The following MED13L variants were observed in gnomAD, a reference collection of about 807,000 sequenced individuals.
MED13L encodes the protein mediator of RNA polymerase II transcription subunit 13-like.
Under a neutral mutation model 220.9 loss-of-function variants are expected in MED13L, and 7 were observed. That is an observed-to-expected ratio of 0.03 (90% CI 0.02 to 0.06). The LOEUF is 0.06. MED13L is among the 10% of genes least tolerant of loss of function. The pLI is 1.00. For synonymous variants in MED13L, 1,011 were observed against 1,015.2 expected (o/e 1.00, Z 0.08); for missense variants, 1,965 against 2,760.5 (o/e 0.71, Z 6.46).
intron 2 of MED13L, among the ~76,000 whole-genome samples, chr12:116,144,324 CTT>C (rs1187518653): frequency 9.5e-4 from 144 of 152,310 alleles, no homozygotes; most frequent in Non-Finnish European, 1.7e-3. Context: ...TCCCCCATCT[CTT>C]GTCCTTCACT....
At chr12:116,198,520 C>A (rs1881794346) in intron 2 of MED13L, among the ~76,000 whole-genome samples, 1 of 152,170 alleles carries the variant, frequency 6.6e-6, no homozygotes, top group African/African-American at 2.4e-5. Context: ...TGACCCCCTA[C>A]AGAAGTTTAG....
At chr12:116,172,927 CAAAA>C (rs560335454) in intron 2 of MED13L, among the ~76,000 whole-genome samples, 1 of 60,020 alleles carries the variant, frequency 1.7e-5, no homozygotes. Flanking sequence ...CCATTTAAGA[CAAAA>C]AAAAAAAAAA....
At chr12:116,008,311 A>C in intron 10 of MED13L, 90 bp downstream of exon 10, 1 of 1,502,538 alleles carries the variant, frequency 6.7e-7, no homozygotes, top group South Asian at 1.4e-5. Flanking sequence ...GCCTACTTCA[A>C]TTTTGAATCT....
intron 4 of MED13L, among the ~76,000 whole-genome samples, chr12:116,041,526 G>A (rs1881526235): frequency 6.6e-6 from 1 of 152,186 alleles, no homozygotes; most frequent in South Asian, 2.1e-4. Context: ...GAATACCATA[G>A]TTGAAAAGAA....
intron 9 of MED13L, among the ~76,000 whole-genome samples, chr12:116,011,191 T>C (rs1879375898): frequency 1.3e-5 from 2 of 152,058 alleles, no homozygotes; most frequent in African/African-American, 4.8e-5. Flanking sequence ...AGCCTAAGGA[T>C]TTTTCTTAAA....
intron 3 of MED13L, among the ~76,000 whole-genome samples, chr12:116,102,310 C>A (rs1183264822): frequency 1.3e-5 from 2 of 152,322 alleles, no homozygotes; most frequent in African/African-American, 2.4e-5. Context: ...CACAGCCTAG[C>A]TCGGGAAGCC....
rs1161434362 is a variant in MED13L, at chr12:115,997,035, C to T, written c.2765G>A (p.Gly922Glu). Residue 922 changes from glycine (G) to glutamate (E), a missense_variant, in exon 15 of 31, where the codon GGA becomes GAA. By Grantham distance (98) the Gly-to-Glu change is moderately conservative. Transcript: ENST00000281928. ...CTTAATTTCCTCGGGCTTGGGACTT[C>T]CTAATCCATCTTCCACTTCCATTTT... is the stretch of plus-strand genomic sequence containing the variant. ...EFKMEVEDGL[G>E]SPKPEEIKDF... The T allele has an allele frequency of 1.2e-6, 2 of 1,613,938 alleles. No individual in the cohort carries two copies. Among genetic ancestry groups the T allele is most frequent in the Non-Finnish European group, 8.5e-7 (1 of 1,179,958 alleles).
At chr12:116,113,347 A>G (rs1355549350) in intron 2 of MED13L, among the ~76,000 whole-genome samples, 1 of 151,948 alleles carries the variant, frequency 6.6e-6, no homozygotes, top group Non-Finnish European at 1.5e-5. Flanking sequence ...ATATACTTGA[A>G]AATAGGGGGC....
chr12:116,135,705 A>T (rs1190766142), intron 2 of MED13L, among the ~76,000 whole-genome samples: 2 of 152,144 alleles, frequency 1.3e-5, no homozygotes, highest in Middle Eastern at 3.2e-3. Context: ...GGCTCGTGAG[A>T]TGAAGGAATA....
chr12:116,107,243 C>T (rs1043056937), intron 3 of MED13L, among the ~76,000 whole-genome samples: 12 of 152,186 alleles, frequency 7.9e-5, no homozygotes, highest in African/African-American at 2.9e-4. Flanking sequence ...TGTCTGATAT[C>T]GTTATGGACA....
At chr12:116,187,504 C>T (rs1248822462) in intron 2 of MED13L, among the ~76,000 whole-genome samples, 1 of 152,184 alleles carries the variant, frequency 6.6e-6, no homozygotes, top group East Asian at 1.9e-4. Flanking sequence ...CAATGCTGGA[C>T]ACATATTGTT....
chr12:116,251,705 G>A (rs970152144), intron 1 of MED13L, among the ~76,000 whole-genome samples: 5 of 150,858 alleles, frequency 3.3e-5, no homozygotes, highest in Admixed American at 6.6e-5. Context: ...AGCTTGCAGC[G>A]AGCCAAGATC....
At chr12:116,111,248 C>G (rs1055160524) in intron 3 of MED13L, among the ~76,000 whole-genome samples, 180 bp downstream of exon 3, 18 of 151,990 alleles carry the variant, frequency 1.2e-4, no homozygotes, top group Admixed American at 1.2e-3. Flanking sequence ...TTGTACCATT[C>G]CCAAAACTTC....
chr12:116,114,885 TAAATCTTACAAAATATGCTAA>T (rs1874382446), intron 2 of MED13L, among the ~76,000 whole-genome samples: 1 of 152,174 alleles, frequency 6.6e-6, no homozygotes, highest in Non-Finnish European at 1.5e-5. Context: ...TCCTTGGGTA[TAAATCTTACAAAATATGCTAA>T]AACTACAATA....
intron 4 of MED13L, among the ~76,000 whole-genome samples, chr12:116,091,047 C>G (rs1164544836): frequency 6.7e-6 from 1 of 148,382 alleles, no homozygotes; most frequent in African/African-American, 2.5e-5. Flanking sequence ...ATTGCTTGAA[C>G]CTGGAGGACA....
intron 2 of MED13L, among the ~76,000 whole-genome samples, chr12:116,120,174 G>T (rs1031588013): frequency 6.6e-6 from 1 of 151,392 alleles, no homozygotes; most frequent in Non-Finnish European, 1.5e-5. Flanking sequence ...GGTACAGATG[G>T]GATTCATATC....
At chr12:116,072,208 T>G (rs1870429384) in intron 4 of MED13L, among the ~76,000 whole-genome samples, 1 of 152,228 alleles carries the variant, frequency 6.6e-6, no homozygotes, top group Non-Finnish European at 1.5e-5. Flanking sequence ...ACACAATTGC[T>G]TTTTGAGTCC....
chr12:116,122,883 A>G (rs1875219614), intron 2 of MED13L, among the ~76,000 whole-genome samples: 1 of 152,160 alleles, frequency 6.6e-6, no homozygotes, highest in Non-Finnish European at 1.5e-5. Flanking sequence ...AAACCATAAA[A>G]CTAAATTTCG....
Position 116,006,113 on chromosome 12 carries a change from T to C in MED13L, c.2345-120A>G, listed in dbSNP as rs560225989. ...TGTGAGTTTTTCCCTATGGTTTTAG[T>C]TAAATTTAGAGACAATTATTTCCAA... is the stretch of plus-strand genomic sequence containing the variant. On this transcript the variant is annotated intron_variant, in intron 12 of 30. Coordinates refer to ENST00000281928, the MANE Select transcript of MED13L (RefSeq NM_015335.5). 2.8e-6 allele frequency: 4 copies of C among 1,447,294 alleles called. No homozygotes were observed. The Admixed American group carries it at 5.7e-5, about 21-fold the overall frequency. The allele number at this position is 1,447,294 out of a possible 1,614,324, so 89.7% of individuals were successfully genotyped here. A position where few individuals can be genotyped will look rare whatever the true frequency, so the allele number is the denominator to read the frequency against.
Sources: gnomAD v4.1 joint callset for allele counts (sites outside exome capture counted in the v4.1 genomes callset) on GRCh38, gnomAD v4.1.1 for gene constraint, MANE v1.5 for transcripts, NCBI Gene and HGNC (gene_info 2026-07-23, HGNC 2026-07-21) for gene names.